The following HOXC13 variants were observed in gnomAD, a reference collection of about 807,000 sequenced individuals.
The protein encoded by HOXC13 is homeobox C13, also known as homeobox protein Hox-C13.
In HOXC13, 10 loss-of-function variants were observed where a neutral mutation model predicts 25.9. That is an observed-to-expected ratio of 0.39 (90% CI 0.24 to 0.65). The LOEUF (loss-of-function observed/expected upper bound fraction) is 0.65. Among genes scored for constraint, HOXC13 ranks in the 30% least tolerant of loss-of-function variants. HOXC13 has a pLI of 0.50. For missense variants in HOXC13, 439 were observed against 478.3 expected (o/e 0.92, Z 0.77); for synonymous variants, 233 against 217.1 (o/e 1.07, Z -0.64).
At chr12:53,944,253 G>A (rs1938654534) in intron 1 of HOXC13, among the ~76,000 whole-genome samples, 1 of 152,130 alleles carries the variant, frequency 6.6e-6, no homozygotes, top group Admixed American at 6.6e-5. Context: ...CACCTTGGGT[G>A]TTAGGTGGTT....
Position 53,945,073 on chromosome 12 carries a change from G to A in HOXC13, c.810G>A (p.Val270=), listed in dbSNP as rs1402201621. ...AGAAACGCGTGCCCTACACTAAGGT[G>A]CAGCTGAAGGAGCTAGAGAAGGAAT... ...GRKKRVPYTK[V]QLKELEKEYA... is the part of the protein sequence containing the mutation. The change falls in exon 2 of 2, where the codon GTG becomes GTA. Residue 270 remains valine (V), a synonymous_variant. Coordinates refer to ENST00000243056, the MANE Select transcript of HOXC13 (RefSeq NM_017410.3). The surrounding 1 kb of genome is among the most constrained non-coding windows in gnomAD (Gnocchi z 4.4). 6.2e-7 allele frequency: 1 copy of A among 1,614,174 alleles called. No individual in the cohort carries two copies. The highest frequency in any genetic ancestry group is 1.1e-5 in the South Asian group (1 of 91,090).
Position 53,939,150 on chromosome 12 carries a change from C to T in HOXC13, c.244C>T (p.Pro82Ser), listed in dbSNP as rs1347478598. ...TCCGCACCCCGTGCTGGGCCGCCCG[C>T]CGGCTCCCCTGGGCGCCCCTCAGGG... Reference protein sequence around the residue: ...LLPHPVLGRPPAPLGAPQGAV... With the variant: ...LLPHPVLGRPSAPLGAPQGAV... Residue 82 changes from proline (P) to serine (S), a missense_variant, in exon 1 of 2, where the codon CCG becomes TCG. Transcript: ENST00000243056. The surrounding 1 kb of genome is among the most constrained non-coding windows in gnomAD (Gnocchi z 6.7). 6 of 1,475,186 alleles carry T rather than the reference C, an allele frequency of 4.1e-6. No individual in the cohort carries two copies. The East Asian group carries it at 1.4e-4, about 34-fold the overall frequency. 91.4% of individuals were successfully genotyped at this position (1,475,186 alleles called of 1,614,324 possible). A position where few individuals can be genotyped will look rare whatever the true frequency, so the allele number is the denominator to read the frequency against.
intron 1 of HOXC13, among the ~76,000 whole-genome samples, chr12:53,940,841 G>A (rs1975473): frequency 0.78 from 117,840 of 152,000 alleles, 46,449 homozygotes; most frequent in East Asian, 0.94. Flanking sequence ...CCAGCTCCAC[G>A]TGCCAAGCTC....
Position 53,939,740 on chromosome 12 carries a change from G to C in HOXC13, c.736+98G>C. Reference sequence around the variant, plus strand: ...CCAACCACCCCCGCCGTCTGGCCCCGGCGCGCCCGCTCGGCTGGGCTGCCT... The same window carrying C: ...CCAACCACCCCCGCCGTCTGGCCCCCGCGCGCCCGCTCGGCTGGGCTGCCT... On this transcript the variant is annotated intron_variant, in intron 1 of 1. Coordinates refer to ENST00000243056, the MANE Select transcript of HOXC13 (RefSeq NM_017410.3). The surrounding 1 kb of genome is among the most constrained non-coding windows in gnomAD (Gnocchi z 6.7). 1.6e-6 allele frequency: 2 copies of C among 1,239,958 alleles called. No individual in the cohort carries two copies. Among genetic ancestry groups the C allele is most frequent in the Non-Finnish European group, 2.0e-6 (2 of 989,718 alleles). 76.8% of individuals were successfully genotyped at this position (1,239,958 alleles called of 1,614,324 possible). A position where few individuals can be genotyped will look rare whatever the true frequency, so the allele number is the denominator to read the frequency against.
chr12:53,938,890 C>G lies in HOXC13; in HGVS notation c.-17C>G. On this transcript the variant is annotated 5_prime_UTR_variant, in exon 1 of 2. Coordinates refer to ENST00000243056, the MANE Select transcript of HOXC13 (RefSeq NM_017410.3). ...TCTGGCAAGTGGAGTTTTTAAAAAGCTCCAGCAGATCATGTCATGACGACT... is the reference window on the plus strand; with the variant it reads ...TCTGGCAAGTGGAGTTTTTAAAAAGGTCCAGCAGATCATGTCATGACGACT... The G allele has an allele frequency of 6.5e-7, 1 of 1,542,102 alleles. No individual in the cohort carries two copies. Among genetic ancestry groups the G allele is most frequent in the South Asian group, 1.2e-5 (1 of 84,752 alleles).
At chr12:53,941,732 C>A (rs1020850285) in intron 1 of HOXC13, among the ~76,000 whole-genome samples, 1 of 152,218 alleles carries the variant, frequency 6.6e-6, no homozygotes, top group Non-Finnish European at 1.5e-5. Context: ...CCTAGCATGC[C>A]TCAGCAGCTA....
chr12:53,938,998 G>A lies in HOXC13; in HGVS notation c.92G>A (p.Gly31Asp). 6.7e-7 allele frequency: 1 copy of A among 1,502,012 alleles called. No homozygotes were observed. Among genetic ancestry groups the A allele is most frequent in the South Asian group, 1.2e-5 (1 of 80,878 alleles). 93.0% of individuals were successfully genotyped at this position (1,502,012 alleles called of 1,614,324 possible). ...GCGGCGGAGAGCGGCATCGGCGGCGGCGGCGGAGGAGGAGGCGGCGGCACG... is the reference window on the plus strand; with the variant it reads ...GCGGCGGAGAGCGGCATCGGCGGCGACGGCGGAGGAGGAGGCGGCGGCACG... ...DSAAESGIGG[G>D]GGGGGGGTGG... The change falls in exon 1 of 2, where the codon GGC becomes GAC. Residue 31 changes from glycine (G) to aspartate (D), a missense_variant. Physicochemically the swap from Gly to Asp is moderately conservative, Grantham distance 94. Transcript: ENST00000243056.
In HOXC13 at chr12:53,939,536, C is replaced by G. The variant is rs1285385540; in HGVS notation, c.630C>G (p.Pro210=). The part of the protein sequence containing the change: ...HPEPRHDALI[P]VEGYQHWALS... ...AGCCGCGTCACGACGCCCTCATCCC[C>G]GTCGAAGGCTACCAGCACTGGGCTC... Residue 210 remains proline (P), a synonymous_variant, in exon 1 of 2, where the codon CCC becomes CCG. Coordinates refer to ENST00000243056, the MANE Select transcript of HOXC13 (RefSeq NM_017410.3). The surrounding 1 kb of genome is among the most constrained non-coding windows in gnomAD (Gnocchi z 6.7). 4 of 1,612,256 alleles carry G rather than the reference C, an allele frequency of 2.5e-6. No homozygotes were observed. The Admixed American group carries it at 5.0e-5, about 20-fold the overall frequency.
rs1223225717 is a variant in HOXC13, at chr12:53,942,191, T to TGAGA, written c.736+2560_736+2563dup. ...TTTTTTTTTTTTTTTTTTTTTTTTT[T>TGAGA]GAGAGAGAGAGAGAAGCAGAAATTC... On this transcript the variant is annotated intron_variant, in intron 1 of 1. Coordinates refer to ENST00000243056, the MANE Select transcript of HOXC13 (RefSeq NM_017410.3). Among the ~76,000 whole-genome samples the TGAGA allele has an allele frequency of 2.9e-3, 253 of 88,080 alleles. 7 individuals carry two copies. The highest frequency in any genetic ancestry group is 9.9e-3 in the African/African-American group (240 of 24,360). The allele number at this position is 88,080 out of a possible 152,430, so 57.8% of individuals were successfully genotyped here. A position where few individuals can be genotyped will look rare whatever the true frequency, so the allele number is the denominator to read the frequency against.
In HOXC13 at chr12:53,939,845, G is replaced by A. The variant is rs1236559571; in HGVS notation, c.736+203G>A. On this transcript the variant is annotated intron_variant, in intron 1 of 1. Transcript: ENST00000243056. This position sits in a 1 kb window ranked among gnomAD's most constrained non-coding sequence, Gnocchi z 6.7. ...CCGACACGTTCTCTGTAGCTGCCCG[G>A]CCGAGAATGAAGCAATCACAGGCGC... is the stretch of plus-strand genomic sequence containing the variant. Among the ~76,000 whole-genome samples, 1 of 152,244 alleles carries A rather than the reference G, an allele frequency of 6.6e-6. No individual in the cohort carries two copies. The highest frequency in any genetic ancestry group is 6.5e-5 in the Admixed American group (1 of 15,290).
intron 1 of HOXC13, among the ~76,000 whole-genome samples, chr12:53,944,020 T>G (rs995899792): frequency 6.6e-6 from 1 of 152,210 alleles, no homozygotes; most frequent in African/African-American, 2.4e-5. Flanking sequence ...TGTGAAATTC[T>G]CAGAGCCTAA....
chr12:53,943,332 G>T (rs182564222), intron 1 of HOXC13, among the ~76,000 whole-genome samples: 154 of 152,238 alleles, frequency 1.0e-3, no homozygotes, highest in African/African-American at 3.5e-3. Flanking sequence ...TCAACAAATC[G>T]TCAATTTCCC....
Position 53,945,252 on chromosome 12 carries a change from C to T in HOXC13, c.989C>T (p.Thr330Ile). Residue 330 changes from threonine to isoleucine, a missense_variant, in exon 2 of 2, where the codon ACC becomes ATC. Coordinates refer to ENST00000243056, the MANE Select transcript of HOXC13 (RefSeq NM_017410.3). This position sits in a 1 kb window ranked among gnomAD's most constrained non-coding sequence, Gnocchi z 4.4. Reference protein sequence around the residue: ...SKSKAPHLHST With the variant: ...SKSKAPHLHSI Reference sequence around the variant, plus strand: ...TCGAAAGCGCCTCATCTCCACTCCACCTGACCACCCACCCGCTGCTTGCCC... The same window carrying T: ...TCGAAAGCGCCTCATCTCCACTCCATCTGACCACCCACCCGCTGCTTGCCC... 4 of 1,613,962 alleles carry T rather than the reference C, an allele frequency of 2.5e-6. No homozygotes were observed. Among genetic ancestry groups the T allele is most frequent in the Non-Finnish European group, 3.4e-6 (4 of 1,179,874 alleles).
At chr12:53,943,870 A>T (rs1160064393) in intron 1 of HOXC13, among the ~76,000 whole-genome samples, 1 of 152,220 alleles carries the variant, frequency 6.6e-6, no homozygotes, top group Non-Finnish European at 1.5e-5. Context: ...AATTACATGG[A>T]AAAAATTGAG....
chr12:53,939,188 G>A lies in HOXC13; in HGVS notation c.282G>A (p.Thr94=), dbSNP rs2136354794. ...PLGAPQGAVY[T]DIPAPEAARQ... ...GCGCCCCTCAGGGCGCCGTCTATACGGACATCCCGGCCCCGGAGGCGGCGC... is the reference window on the plus strand; with the variant it reads ...GCGCCCCTCAGGGCGCCGTCTATACAGACATCCCGGCCCCGGAGGCGGCGC... Residue 94 remains threonine, a synonymous_variant, in exon 1 of 2, where the codon ACG becomes ACA. Coordinates refer to ENST00000243056, the MANE Select transcript of HOXC13 (RefSeq NM_017410.3). This position sits in a 1 kb window ranked among gnomAD's most constrained non-coding sequence, Gnocchi z 6.7. 6 of 1,522,510 alleles carry A rather than the reference G, an allele frequency of 3.9e-6. No homozygotes were observed. Among genetic ancestry groups the A allele is most frequent in the South Asian group, 2.4e-5 (2 of 81,948 alleles). The allele number at this position is 1,522,510 out of a possible 1,614,324, so 94.3% of individuals were successfully genotyped here.
chr12:53,943,987 T>TTTTA (rs1350607692), intron 1 of HOXC13, among the ~76,000 whole-genome samples: 1 of 152,124 alleles, frequency 6.6e-6, no homozygotes, highest in Non-Finnish European at 1.5e-5. Context: ...GAGTTAGAAG[T>TTTTA]GATATATATT....
rs951444284 is a variant in HOXC13 at position 53,945,412 on chromosome 12, G to C, written c.*156G>C. 12 of 839,908 alleles carry C rather than the reference G, an allele frequency of 1.4e-5. No individual in the cohort carries two copies. The Admixed American group carries it at 2.6e-4, about 18-fold the overall frequency. 52.0% of individuals were successfully genotyped at this position (839,908 alleles called of 1,614,324 possible). ...GGCAGAGAGGCTCCATGGCCGTGCT[G>C]CTGGGCCATCCCCAACTCCCTATCC... is the stretch of plus-strand genomic sequence containing the variant. On this transcript the variant is annotated 3_prime_UTR_variant, in exon 2 of 2. Transcript: ENST00000243056. This position sits in a 1 kb window ranked among gnomAD's most constrained non-coding sequence, Gnocchi z 4.4.
intron 1 of HOXC13, among the ~76,000 whole-genome samples, chr12:53,943,528 T>C (rs1938644448): frequency 6.6e-6 from 1 of 152,218 alleles, no homozygotes; most frequent in African/African-American, 2.4e-5. Context: ...AAATGCCAGG[T>C]CCAACAGTTT....
At position 53,938,978 on chromosome 12, in the gene HOXC13, G is replaced by T. The variant is rs745445116; in HGVS notation, c.72G>T (p.Ala24=). The change falls in exon 1 of 2, where the codon GCG becomes GCT. Residue 24 remains alanine, a synonymous_variant. Transcript: ENST00000243056. ...TGTACGTCTATGAGGACAGCGCGGC[G>T]GAGAGCGGCATCGGCGGCGGCGGCG... The part of the protein sequence containing the change: ...SLMYVYEDSA[A]ESGIGGGGGG... The T allele has an allele frequency of 3.3e-6, 5 of 1,519,878 alleles. No homozygotes were observed. Among genetic ancestry groups the T allele is most frequent in the East Asian group, 2.6e-5 (1 of 37,838 alleles). The allele number at this position is 1,519,878 out of a possible 1,614,324, so 94.1% of individuals were successfully genotyped here.
Sources: gnomAD v4.1 joint callset for allele counts (sites outside exome capture counted in the v4.1 genomes callset) on GRCh38, gnomAD v4.1.1 for gene constraint, Gnocchi (gnomAD v3.1) non-coding constraint, MANE v1.5 for transcripts, NCBI Gene and HGNC (gene_info 2026-07-23, HGNC 2026-07-21) for gene names.